Variants in KIF2A observed in about 807,000 individuals in gnomAD.
The protein encoded by KIF2A is kinesin family member 2A.
Under a neutral mutation model 100.2 loss-of-function variants are expected in KIF2A, and 22 were observed. That is an observed-to-expected ratio of 0.22 (90% CI 0.16 to 0.31). The LOEUF is 0.31. Among genes scored for constraint, KIF2A ranks in the 10% least tolerant of loss-of-function variants. The probability of loss-of-function intolerance (pLI) is 1.00; values close to 1 mark genes in which losing one functional copy is unlikely to be tolerated. For missense variants in KIF2A, 495 were observed against 898.7 expected, an observed-to-expected ratio of 0.55 and a Z score of 5.74; for synonymous variants, 268 against 285.9, an observed-to-expected ratio of 0.94 and a Z score of 0.63.
At position 62,381,634 on chromosome 5, in the gene KIF2A, G is replaced by A. The variant is rs115277647; in HGVS notation, c.2149+381G>A. 5.2e-3 allele frequency among the ~76,000 whole-genome samples: 797 copies of A among 152,296 alleles called. 10 individuals carry two copies. The highest frequency in any genetic ancestry group is 0.018 in the African/African-American group (750 of 41,558). The stretch of plus-strand genomic sequence containing the variant: ...GGCTGGAGCACAGGGGCGTGATCAT[G>A]GCTTACTGCATCCTCAACCTCCTGT... On this transcript the variant is annotated intron_variant, in intron 20 of 20. Transcript: ENST00000407818.
intron 1 of KIF2A, among the ~76,000 whole-genome samples, chr5:62,313,287 T>TATATGCC (rs1391398774): frequency 6.6e-6 from 1 of 152,202 alleles, no homozygotes; most frequent in Non-Finnish European, 1.5e-5. Flanking sequence ...ATACATGTCA[T>TATATGCC]ATATGCCATC....
At chr5:62,327,817 G>A (rs1388884238) in intron 1 of KIF2A, among the ~76,000 whole-genome samples, 1 of 152,146 alleles carries the variant, frequency 6.6e-6, no homozygotes, top group East Asian at 1.9e-4. Flanking sequence ...CTTCCTGTAC[G>A]TAGAGTGGAG....
chr5:62,372,147 G>A (rs529180455), intron 16 of KIF2A, among the ~76,000 whole-genome samples: 1 of 152,038 alleles, frequency 6.6e-6, no homozygotes, highest in African/African-American at 2.4e-5. Flanking sequence ...TAGTTAGGGG[G>A]GCATTTCAGA....
intron 16 of KIF2A, 31 bp from the exon 17 acceptor site, chr5:62,372,407 C>T: frequency 8.2e-7 from 1 of 1,221,226 alleles, no homozygotes; most frequent in East Asian, 2.3e-5. Context: ...AGAGCATTTT[C>T]TTTTAATTTG....
At chr5:62,376,587 T>C (rs1320744995) in intron 18 of KIF2A, among the ~76,000 whole-genome samples, 1 of 151,686 alleles carries the variant, frequency 6.6e-6, no homozygotes, top group Non-Finnish European at 1.5e-5. Flanking sequence ...GCCCAGCTAA[T>C]TTTTTATATT....
Position 62,307,763 on chromosome 5 carries a change from G to A in KIF2A, c.64+1227G>A, listed in dbSNP as rs968837183. Among the ~76,000 whole-genome samples the A allele has an allele frequency of 4.5e-4, 68 of 151,860 alleles. 2 individuals are homozygous for A. Among genetic ancestry groups the A allele is most frequent in the Non-Finnish European group, 2.9e-5 (2 of 68,002 alleles). ...CTCCTGAGTAGCTGGGATTACAGGCGTTGTCACCACACCCAGCTAATTTTT... is the reference window on the plus strand; with the variant it reads ...CTCCTGAGTAGCTGGGATTACAGGCATTGTCACCACACCCAGCTAATTTTT... On this transcript the variant is annotated intron_variant, in intron 1 of 20. Transcript: ENST00000407818.
chr5:62,332,446 A>C (rs1259681632), intron 1 of KIF2A, among the ~76,000 whole-genome samples: 1 of 152,162 alleles, frequency 6.6e-6, no homozygotes, highest in Non-Finnish European at 1.5e-5. Flanking sequence ...ATTTCGTCCT[A>C]ACAAAAAGTT....
Position 62,320,919 on chromosome 5 carries a change from T to C in KIF2A, c.64+14383T>C, listed in dbSNP as rs376354012. Among the ~76,000 whole-genome samples, 13 of 152,250 alleles carry C rather than the reference T, an allele frequency of 8.5e-5. No homozygotes were observed. In the East Asian group the frequency reaches 2.5e-3, roughly 29 times the overall value. The stretch of plus-strand genomic sequence containing the variant: ...AACTGTAAAAGAAACCCATACCCAT[T>C]AGCAGTCACTCTGCATTCCCCTCTC... On this transcript the variant is annotated intron_variant, in intron 1 of 20. Transcript: ENST00000407818.
In KIF2A at chr5:62,388,307, A is replaced by G. The variant is rs9981; in HGVS notation, c.*2738A>G. On this transcript the variant is annotated 3_prime_UTR_variant, in exon 21 of 21. Transcript: ENST00000407818. ...CTCCCTAAGAACCATAAAAAAAGAT[A>G]ATTTTATTGTTAATTTCATTCCAGT... 1 of 152,104 alleles carries G rather than the reference A, an allele frequency of 6.6e-6. No homozygotes were observed. The allele number at this position is 152,104 out of a possible 1,614,324, so 9.4% of individuals were successfully genotyped here. A position where few individuals can be genotyped will look rare whatever the true frequency, so the allele number is the denominator to read the frequency against.
chr5:62,327,906 T>A (rs149502221), intron 1 of KIF2A, among the ~76,000 whole-genome samples: 8 of 152,302 alleles, frequency 5.3e-5, no homozygotes, highest in African/African-American at 1.7e-4. Flanking sequence ...AAGATCCCTG[T>A]CTCGTTAGGA....
rs1386878874 is a variant in KIF2A at position 62,372,500 on chromosome 5, C to T, written c.1709C>T (p.Pro570Leu). ...IPFSQGSGSR[P>L]DLSPSYEYDD... Reference sequence around the variant, plus strand: ...TTCTCACAGGGTAGTGGCAGTCGCCCTGATCTCTCTCCTTCTTATGAATAT... The same window carrying T: ...TTCTCACAGGGTAGTGGCAGTCGCCTTGATCTCTCTCCTTCTTATGAATAT... The change falls in exon 17 of 21, where the codon CCT (proline) becomes CTT (leucine). Residue 570 changes from proline to leucine, a missense_variant. Physicochemically the swap from Pro to Leu is moderately conservative, Grantham distance 98. Transcript: ENST00000407818. 2 of 1,613,054 alleles carry T rather than the reference C, an allele frequency of 1.2e-6. No individual in the cohort carries two copies. Among genetic ancestry groups the T allele is most frequent in the African/African-American group, 1.3e-5 (1 of 75,056 alleles).
chr5:62,381,838 C>G (rs141974146), intron 20 of KIF2A, among the ~76,000 whole-genome samples: 3 of 152,354 alleles, frequency 2.0e-5, no homozygotes, highest in African/African-American at 7.2e-5. Context: ...GGCGGGATTA[C>G]AGGCATGAGC....
At chr5:62,344,724 G>T (rs370716964) in intron 1 of KIF2A, among the ~76,000 whole-genome samples, 153 of 152,148 alleles carry the variant, frequency 1.0e-3, no homozygotes, top group African/African-American at 3.6e-3. Context: ...TCCTAATAAA[G>T]GAATAAATTG....
At position 62,346,161 on chromosome 5, in the gene KIF2A, G is replaced by A. The variant is rs1747556022; in HGVS notation, c.65-969G>A. 2.0e-5 allele frequency among the ~76,000 whole-genome samples: 3 copies of A among 152,062 alleles called. No homozygotes were observed. In the South Asian group the frequency reaches 6.2e-4, roughly 32 times the overall value. The stretch of plus-strand genomic sequence containing the variant: ...TAATTAAAAATAATTATTTAGCTCT[G>A]TAGTTATTATCAGATAAAACCTACA... On this transcript the variant is annotated intron_variant, in intron 1 of 20. Coordinates refer to ENST00000407818, the MANE Select transcript of KIF2A (RefSeq NM_001098511.3).
intron 1 of KIF2A, among the ~76,000 whole-genome samples, chr5:62,336,751 A>G (rs554263544): frequency 6.6e-6 from 1 of 152,354 alleles, no homozygotes; most frequent in African/African-American, 2.4e-5. Context: ...ACAGTAAAAT[A>G]TGCCCAAAGT....
rs866297417 is a variant in KIF2A at position 62,337,765 on chromosome 5, C to T, written c.65-9365C>T. The stretch of plus-strand genomic sequence containing the variant: ...ACATGAGGCTGTAGTGAGCCATGAT[C>T]ACACCACCGTACTTCAGCCTGGGCA... On this transcript the variant is annotated intron_variant, in intron 1 of 20. Coordinates refer to ENST00000407818, the MANE Select transcript of KIF2A (RefSeq NM_001098511.3). Among the ~76,000 whole-genome samples the T allele has an allele frequency of 7.8e-5, 11 of 141,898 alleles. 1 individual carries two copies. Among genetic ancestry groups the T allele is most frequent in the Middle Eastern group, 3.7e-3 (1 of 272 alleles). 93.1% of individuals were successfully genotyped at this position (141,898 alleles called of 152,430 possible).
chr5:62,306,861 G>T, intron 1 of KIF2A: 1 of 345,542 alleles, frequency 2.9e-6, no homozygotes, highest in Non-Finnish European at 5.3e-6. Flanking sequence ...CCCCCCCGGG[G>T]ACACCAGCCC....
rs545447755 is a variant in KIF2A at position 62,390,163 on chromosome 5, G to A, written c.*4594G>A. ...TCTAGAACATGGAAGCTTTAAAAGT[G>A]AATTGGCTAAATAGGCAAGACCTTC... On this transcript the variant is annotated 3_prime_UTR_variant, in exon 21 of 21. Coordinates refer to ENST00000407818, the MANE Select transcript of KIF2A (RefSeq NM_001098511.3). 1.3e-5 allele frequency among the ~76,000 whole-genome samples: 2 copies of A among 152,214 alleles called. No homozygotes were observed. Among genetic ancestry groups the A allele is most frequent in the East Asian group, 3.9e-4 (2 of 5,192 alleles).
At chr5:62,342,522 G>A (rs1291328430) in intron 1 of KIF2A, among the ~76,000 whole-genome samples, 29 of 152,116 alleles carry the variant, frequency 1.9e-4, no homozygotes, top group Admixed American at 1.9e-3. Context: ...GAAATCCACA[G>A]CCAGTGATAG....
Sources: allele counts gnomAD v4.1 joint callset (sites outside exome capture counted in the v4.1 genomes callset), GRCh38; gene constraint gnomAD v4.1.1; transcripts MANE v1.5; gene names NCBI Gene and HGNC (gene_info 2026-07-23, HGNC 2026-07-21).